Variants in ADGRE2 observed in about 807,000 individuals in gnomAD.
ADGRE2 encodes CD97 antigen.
Under a neutral mutation model 100.8 loss-of-function variants are expected in ADGRE2, and 83 were observed. The ratio of observed to expected loss-of-function variants is 0.82; its 90% confidence interval spans 0.69 to 0.99. ADGRE2 has a LOEUF of 0.99. ADGRE2 is among the 50% of genes least tolerant of loss of function. The pLI is 0.00. For synonymous variants in ADGRE2, 355 were observed against 413.0 expected (o/e 0.86, Z 1.70); for missense variants, 814 against 1,035.7 (o/e 0.79, Z 2.94).
intron 2 of ADGRE2, among the ~76,000 whole-genome samples, chr19:14,775,997 G>A (rs2044423872): frequency 6.6e-6 from 1 of 152,070 alleles, no homozygotes; most frequent in African/African-American, 2.4e-5. Context: ...AAACCCAGTG[G>A]TGATATTTCA....
rs149531558 is a variant in ADGRE2, at chr19:14,737,733, G to A, written c.2464-1489C>T. 9.7e-3 allele frequency among the ~76,000 whole-genome samples: 1,472 copies of A among 152,056 alleles called. 8 individuals carry two copies. Among genetic ancestry groups the A allele is most frequent in the Non-Finnish European group, 0.016 (1,107 of 67,980 alleles). ...TCCCAGCACTTTGGGAGGCCGAGGC[G>A]GGCAGATCACTTGAGGTCAGGAGTT... On this transcript the variant is annotated intron_variant, in intron 20 of 20. Transcript: ENST00000315576.
rs1207075478 is a variant in ADGRE2, at chr19:14,765,368, C to T, written c.858G>A (p.Gln286=). ...QTLSRFFDKV[Q]DLGRDYKPGL... is the part of the protein sequence containing the mutation. ...CTGGCTTGTAGTCTCTGCCCAGGTC[C>T]TGGACTTTGTCGAAGAATCGGGAAA... Residue 286 remains glutamine, a synonymous_variant, in exon 10 of 21, where the codon CAG becomes CAA. Coordinates refer to ENST00000315576, the MANE Select transcript of ADGRE2 (RefSeq NM_013447.4). 6.2e-7 allele frequency: 1 copy of T among 1,614,196 alleles called. No homozygotes were observed.
At chr19:14,726,268 C>A in the ADGRE2 span, among the ~76,000 whole-genome samples, 1 of 152,160 alleles carries the variant, frequency 6.6e-6, no homozygotes, top group Non-Finnish European at 1.5e-5. Context: ...CTGGAACTGG[C>A]CCGCTAAATC....
At chr19:14,763,752 TCTC>T (rs796605794) in intron 11 of ADGRE2, among the ~76,000 whole-genome samples, 20 of 1,486 alleles carry the variant, frequency 0.013, no homozygotes, top group Admixed American at 0.043. Context: ...TCCTCCTCCT[TCTC>T]CTCTCCTCCT....
chr19:14,776,345 C>G (rs1222564941), intron 2 of ADGRE2: 1 of 124,398 alleles, frequency 8.0e-6, no homozygotes, highest in African/African-American at 3.0e-5. Flanking sequence ...CCCCGCCCCC[C>G]GCCCATGTCT....
chr19:14,757,250 T>G (rs2043532889), intron 11 of ADGRE2, among the ~76,000 whole-genome samples: 1 of 152,204 alleles, frequency 6.6e-6, no homozygotes, highest in Non-Finnish European at 1.5e-5. Context: ...AAAGACAGCC[T>G]ATGTTCATGG....
At chr19:14,759,137 T>C (rs1013209987) in intron 11 of ADGRE2, among the ~76,000 whole-genome samples, 13 of 152,106 alleles carry the variant, frequency 8.5e-5, no homozygotes, top group Non-Finnish European at 1.5e-4. Flanking sequence ...GGCTCCACGT[T>C]GCCTGCTTCT....
At chr19:14,759,602 A>T (rs940096235) in intron 11 of ADGRE2, among the ~76,000 whole-genome samples, 4 of 147,490 alleles carry the variant, frequency 2.7e-5, no homozygotes, top group Admixed American at 6.8e-5. Flanking sequence ...GTTCCAGCGA[A>T]TCTCCTGCCT....
Position 14,752,459 on chromosome 19 carries a change from A to T in ADGRE2, c.1658T>A (p.Leu553Gln), listed in dbSNP as rs747953533. ...ACACAGGAGAAAAGTGAGGGCCGCC[A>T]GGAGGAGGCACAGCAGAGAGACGCT... Reference protein sequence around the residue: ...GLSVSLLCLLLAALTFLLCKA... With the variant: ...GLSVSLLCLLQAALTFLLCKA... The change falls in exon 15 of 21, where the codon CTG becomes CAG. Residue 553 changes from leucine (L) to glutamine (Q), a missense_variant. Physicochemically the swap from Leu to Gln is moderately radical, Grantham distance 113. Coordinates refer to ENST00000315576, the MANE Select transcript of ADGRE2 (RefSeq NM_013447.4). 4 of 1,614,046 alleles carry T rather than the reference A, an allele frequency of 2.5e-6. No individual in the cohort carries two copies. Among genetic ancestry groups the T allele is most frequent in the Non-Finnish European group, 3.4e-6 (4 of 1,180,032 alleles).
downstream of ADGRE2, chr19:14,731,236 G>A (rs959429507): frequency 4.0e-6 from 6 of 1,507,566 alleles, no homozygotes; most frequent in African/African-American, 8.3e-5. Flanking sequence ...CAGATCGCTA[G>A]AATCCAACCT....
At chr19:14,755,267 C>G in intron 13 of ADGRE2, 140 bp from the exon 14 acceptor site, 1 of 594,538 alleles carries the variant, frequency 1.7e-6, no homozygotes, top group Non-Finnish European at 2.7e-6. Flanking sequence ...AACCCCATCT[C>G]TACTAAAAAA....
Position 14,778,263 on chromosome 19 carries a change from T to G in ADGRE2, c.-178A>C, listed in dbSNP as rs1187288608. Reference sequence around the variant, plus strand: ...CAAAAAGAAAAAAAATTACCTGGGCTTGGTGGCAGACGTCTGTGGTCCCAG... The same window carrying G: ...CAAAAAGAAAAAAAATTACCTGGGCGTGGTGGCAGACGTCTGTGGTCCCAG... On this transcript the variant is annotated 5_prime_UTR_variant, in exon 1 of 21. Transcript: ENST00000315576. 6.6e-6 allele frequency: 1 copy of G among 152,192 alleles called. No homozygotes were observed. The highest frequency in any genetic ancestry group is 1.9e-4 in the East Asian group (1 of 5,188). The allele number at this position is 152,192 out of a possible 1,614,324, so 9.4% of individuals were successfully genotyped here. A position where few individuals can be genotyped will look rare whatever the true frequency, so the allele number is the denominator to read the frequency against.
chr19:14,746,975 A>T lies in ADGRE2; in HGVS notation c.2025-13T>A. The T allele has an allele frequency of 6.3e-7, 1 of 1,591,046 alleles. No individual in the cohort carries two copies. The highest frequency in any genetic ancestry group is 8.6e-7 in the Non-Finnish European group (1 of 1,167,000). The stretch of plus-strand genomic sequence containing the variant: ...TTGGAGCCAGCAGCTGAAAAAAGAG[A>T]GATTAAAAAAAATGCATCAGTTTTT... On this transcript the variant is annotated splice_polypyrimidine_tract_variant and intron_variant, in intron 16 of 20. Coordinates refer to ENST00000315576, the MANE Select transcript of ADGRE2 (RefSeq NM_013447.4).
At chr19:14,728,828 A>G (rs1234607535), downstream of ADGRE2, among the ~76,000 whole-genome samples, 1 of 152,204 alleles carries the variant, frequency 6.6e-6, no homozygotes, top group Admixed American at 6.5e-5. Context: ...CACGTCAATC[A>G]AGATCCAAGA....
chr19:14,764,889 T>A (rs1317601380), intron 10 of ADGRE2, among the ~76,000 whole-genome samples: 1 of 152,102 alleles, frequency 6.6e-6, no homozygotes, highest in Admixed American at 6.6e-5. Context: ...TGGTGGCGTG[T>A]GCCTGTAATC....
In ADGRE2 at chr19:14,743,445, T is replaced by G. The variant is rs776246646; in HGVS notation, c.2438A>C (p.Lys813Thr). The part of the protein sequence containing the change: ...SEMHTLSSSA[K>T]ADTSKPSTVN ...CGTGCTGGGTTTGGAGGTGTCAGCC[T>G]TAGCACTGCTGGAGAGTGTGTGCAT... The change falls in exon 20 of 21, where the codon AAG (lysine) becomes ACG (threonine). Residue 813 changes from lysine (K) to threonine (T), a missense_variant. Lys to Thr is a moderately conservative substitution (Grantham distance 78). This residue lies in a region of ADGRE2 where 569 missense variants were observed against 692.7 expected (regional missense o/e 0.82). Transcript: ENST00000315576. 26 of 1,614,152 alleles carry G rather than the reference T, an allele frequency of 1.6e-5. No homozygotes were observed. Among genetic ancestry groups the G allele is most frequent in the Non-Finnish European group, 2.2e-5 (26 of 1,180,018 alleles).
chr19:14,766,651 T>C (rs375158321), intron 6 of ADGRE2, among the ~76,000 whole-genome samples: 7 of 152,286 alleles, frequency 4.6e-5, no homozygotes, highest in African/African-American at 1.7e-4. Flanking sequence ...CTGACTAAAA[T>C]CTCTCTCCTG....
intron 15 of ADGRE2, 133 bp from the exon 16 acceptor site, chr19:14,751,804 G>T: frequency 3.0e-6 from 2 of 666,266 alleles, no homozygotes; most frequent in African/African-American, 1.8e-5. Context: ...CTGTGTAGTT[G>T]AGTCAGGCAA....
Position 14,743,647 on chromosome 19 carries a change from A to T in ADGRE2, c.2321T>A (p.Ile774Asn). The change falls in exon 19 of 21, where the codon ATC becomes AAC. Residue 774 changes from isoleucine (I) to asparagine (N), a missense_variant. This residue lies in a region of ADGRE2 where 569 missense variants were observed against 692.7 expected (regional missense o/e 0.82). Coordinates refer to ENST00000315576, the MANE Select transcript of ADGRE2 (RefSeq NM_013447.4). The part of the protein sequence containing the change: ...TIINSLQGVF[I>N]FLVYCLLSQQ... ...GCTGAGGAGGCAGTACACCAGGAAG[A>T]TGAAGACACCCTGCAGGCTGTTGAT... 1 of 1,614,186 alleles carries T rather than the reference A, an allele frequency of 6.2e-7. No individual in the cohort carries two copies. Among genetic ancestry groups the T allele is most frequent in the Non-Finnish European group, 8.5e-7 (1 of 1,180,026 alleles).
Sources: gnomAD v4.1 joint callset for allele counts (sites outside exome capture counted in the v4.1 genomes callset) on GRCh38, gnomAD v4.1.1 for gene constraint, gnomAD v4.1.1 regional missense constraint, MANE v1.5 for transcripts, NCBI Gene and HGNC (gene_info 2026-07-23, HGNC 2026-07-21) for gene names.